The following FSTL5 variants were observed in gnomAD, a reference collection of about 807,000 sequenced individuals.
FSTL5 encodes the protein follistatin-related protein 5.
Under a neutral mutation model 89.1 loss-of-function variants are expected in FSTL5, and 62 were observed. That is an observed-to-expected ratio of 0.70 (90% CI 0.57 to 0.86). The LOEUF (loss-of-function observed/expected upper bound fraction) is 0.86. Among genes scored for constraint, FSTL5 ranks in the 40% least tolerant of loss-of-function variants. FSTL5 has a pLI of 0.00. For missense variants in FSTL5, 1,057 were observed against 1,001.6 expected (o/e 1.06, Z -0.75); for synonymous variants, 383 against 346.2 (o/e 1.11, Z -1.18).
chr4:161,954,067 AAT>A (rs1473426860), intron 3 of FSTL5, among the ~76,000 whole-genome samples: 2 of 151,590 alleles, frequency 1.3e-5, no homozygotes, highest in Non-Finnish European at 3.0e-5. Flanking sequence ...AATGTTGCCA[AAT>A]ATTGCAATAT....
Position 161,933,894 on chromosome 4 carries a change from C to A in FSTL5, c.161-13242G>T, listed in dbSNP as rs184995656. ...CTTACATTGAAAACAGCACTGAAATCACTTTTTCTACGTAGTTAGCTCTTT... is the reference window on the plus strand; with the variant it reads ...CTTACATTGAAAACAGCACTGAAATAACTTTTTCTACGTAGTTAGCTCTTT... On this transcript the variant is annotated intron_variant, in intron 3 of 15. Transcript: ENST00000306100. Among the ~76,000 whole-genome samples the A allele has an allele frequency of 3.3e-5, 5 of 152,102 alleles. No individual in the cohort carries two copies. The East Asian group carries it at 7.8e-4, about 24-fold the overall frequency.
intron 4 of FSTL5, among the ~76,000 whole-genome samples, chr4:161,870,086 T>C (rs989821557): frequency 2.0e-5 from 3 of 152,190 alleles, no homozygotes; most frequent in African/African-American, 7.2e-5. Context: ...AGTGATAGAA[T>C]GAGTGTTGGA....
At chr4:162,153,651 AT>A in intron 1 of FSTL5, among the ~76,000 whole-genome samples, 1 of 123,356 alleles carries the variant, frequency 8.1e-6, no homozygotes, top group Non-Finnish European at 1.7e-5. Flanking sequence ...TGTATATTAT[AT>A]ATGTATATAA....
intron 13 of FSTL5, 141 bp from the exon 14 acceptor site, chr4:161,459,460 G>A (rs1331729732): frequency 5.7e-6 from 3 of 528,980 alleles, no homozygotes; most frequent in Non-Finnish European, 1.0e-5. Flanking sequence ...GCCCTTATTT[G>A]ATATTTGAAA....
chr4:162,125,431 G>A (rs1732041795), intron 1 of FSTL5, among the ~76,000 whole-genome samples: 1 of 152,108 alleles, frequency 6.6e-6, no homozygotes, highest in African/African-American at 2.4e-5. Flanking sequence ...CTTGTAGAAA[G>A]TAAACTATGG....
chr4:161,982,833 T>C (rs1333125338), intron 3 of FSTL5, among the ~76,000 whole-genome samples: 2 of 152,192 alleles, frequency 1.3e-5, no homozygotes, highest in African/African-American at 4.8e-5. Flanking sequence ...TATGTATTAT[T>C]CTTTCGAAGT....
intron 10 of FSTL5, among the ~76,000 whole-genome samples, chr4:161,526,217 A>T (rs1474572789): frequency 6.6e-6 from 1 of 152,226 alleles, no homozygotes; most frequent in Non-Finnish European, 1.5e-5. Flanking sequence ...TATGTATATT[A>T]TACACACACA....
At chr4:161,636,188 C>G (rs1290802862) in intron 7 of FSTL5, among the ~76,000 whole-genome samples, 3 of 151,348 alleles carry the variant, frequency 2.0e-5, no homozygotes. Context: ...TTTTAAATTT[C>G]TGTCTCAAAG....
chr4:161,573,617 C>A (rs1733104534), intron 8 of FSTL5, among the ~76,000 whole-genome samples: 1 of 149,696 alleles, frequency 6.7e-6, no homozygotes. Context: ...CCTGTAATCC[C>A]AGCTACTCCA....
intron 10 of FSTL5, among the ~76,000 whole-genome samples, chr4:161,525,132 A>G (rs899393201): frequency 6.6e-6 from 1 of 152,062 alleles, no homozygotes; most frequent in East Asian, 1.9e-4. Flanking sequence ...GCATATTAAC[A>G]GCAATTATTT....
intron 4 of FSTL5, among the ~76,000 whole-genome samples, chr4:161,855,006 T>G (rs1426563373): frequency 6.6e-5 from 1 of 15,214 alleles, no homozygotes; most frequent in East Asian, 2.6e-3. Flanking sequence ...TTGAGAGGTT[T>G]TTTTTTTTTT....
intron 13 of FSTL5, among the ~76,000 whole-genome samples, chr4:161,472,875 C>T (rs542950606): frequency 1.3e-5 from 2 of 152,052 alleles, no homozygotes; most frequent in African/African-American, 4.8e-5. Context: ...CAGGAGTGTA[C>T]CACCATGGCT....
intron 4 of FSTL5, among the ~76,000 whole-genome samples, chr4:161,833,983 T>C (rs1332750219): frequency 6.6e-6 from 1 of 152,078 alleles, no homozygotes; most frequent in African/African-American, 2.4e-5. Flanking sequence ...GCCTCGATGG[T>C]CTTTACAATT....
intron 1 of FSTL5, among the ~76,000 whole-genome samples, chr4:162,155,320 A>G (rs1029009668): frequency 3.9e-5 from 6 of 152,186 alleles, no homozygotes; most frequent in Non-Finnish European, 7.3e-5. Context: ...TTGAAGAGGC[A>G]AGTCTCCATG....
intron 7 of FSTL5, among the ~76,000 whole-genome samples, chr4:161,629,584 A>G (rs565955714): frequency 1.2e-4 from 19 of 152,104 alleles, no homozygotes; most frequent in Non-Finnish European, 2.2e-4. Context: ...ACCTCAGGTA[A>G]TCCACCCGCC....
chr4:161,965,292 T>C (rs868484229), intron 3 of FSTL5, among the ~76,000 whole-genome samples: 1 of 152,084 alleles, frequency 6.6e-6, no homozygotes, highest in South Asian at 2.1e-4. Context: ...AGAATGTTTG[T>C]ACCCCTTCTA....
chr4:161,974,201 T>A (rs947867515), intron 3 of FSTL5, among the ~76,000 whole-genome samples: 1 of 152,134 alleles, frequency 6.6e-6, no homozygotes, highest in Admixed American at 6.5e-5. Flanking sequence ...ATTTATAGAT[T>A]CAATGCCATC....
At chr4:161,700,476 T>G (rs1192390196) in intron 6 of FSTL5, among the ~76,000 whole-genome samples, 1 of 152,144 alleles carries the variant, frequency 6.6e-6, no homozygotes, top group Non-Finnish European at 1.5e-5. Context: ...TCTTTTTTCT[T>G]TTTTTAATTT....
chr4:161,574,808 A>G (rs1733155091), intron 8 of FSTL5, among the ~76,000 whole-genome samples: 1 of 152,196 alleles, frequency 6.6e-6, no homozygotes, highest in Non-Finnish European at 1.5e-5. Context: ...CAATAAACAT[A>G]CATGTGCATG....
Sources: allele counts gnomAD v4.1 joint callset (sites outside exome capture counted in the v4.1 genomes callset), GRCh38; gene constraint gnomAD v4.1.1; transcripts MANE v1.5; gene names NCBI Gene and HGNC (gene_info 2026-07-23, HGNC 2026-07-21).